The following EML4 variants were observed in gnomAD, a reference collection of about 807,000 sequenced individuals.
EML4 encodes the protein echinoderm microtubule-associated protein-like 4.
In EML4, 72 loss-of-function variants were observed where a neutral mutation model predicts 129.0. That is an observed-to-expected ratio of 0.56 (90% confidence interval 0.46 to 0.68). EML4 has a LOEUF of 0.68. Ranked by LOEUF, EML4 falls within the 30% of genes least tolerant of loss-of-function variation. EML4 has a pLI of 0.00. For missense variants in EML4, 1,363 were observed against 1,190.6 expected, an observed-to-expected ratio of 1.14 and a Z score of -2.13; for synonymous variants, 532 against 405.0, an observed-to-expected ratio of 1.31 and a Z score of -3.77.
At chr2:42,297,591 C>A (rs1477005872) in intron 13 of EML4, among the ~76,000 whole-genome samples, 2 of 152,188 alleles carry the variant, frequency 1.3e-5, no homozygotes, top group Non-Finnish European at 2.9e-5. Context: ...TTTCAATTGG[C>A]TGGGAAGAAT....
At chr2:42,221,829 C>G (rs1488849354) in intron 1 of EML4, among the ~76,000 whole-genome samples, 26 of 151,920 alleles carry the variant, frequency 1.7e-4, no homozygotes, top group Admixed American at 1.6e-3. Flanking sequence ...GTCTCGAACT[C>G]CTGACCTCAG....
chr2:42,250,273 C>A (rs57655871), intron 2 of EML4, among the ~76,000 whole-genome samples: 1 of 152,162 alleles, frequency 6.6e-6, no homozygotes, highest in African/African-American at 2.4e-5. Flanking sequence ...GGGGTCAGTT[C>A]TCCAAAAGAA....
intron 1 of EML4, among the ~76,000 whole-genome samples, chr2:42,210,425 A>G (rs1047882705): frequency 1.3e-5 from 2 of 152,194 alleles, no homozygotes; most frequent in Non-Finnish European, 2.9e-5. Context: ...ACATGACATC[A>G]TTGATGTTGT....
rs562475949 is a variant in EML4, at chr2:42,192,245, G to C, written c.25+22609G>C. Among the ~76,000 whole-genome samples the C allele has an allele frequency of 6.2e-5, 9 of 145,510 alleles. No individual in the cohort carries two copies. In the East Asian group the frequency reaches 8.0e-4, roughly 13 times the overall value. ...TGTTGTTTTTTTGTTTTTTTTTTTGGGGGGGGGAGGTGTAGTCTTGCTCCT... is the reference window on the plus strand; with the variant it reads ...TGTTGTTTTTTTGTTTTTTTTTTTGCGGGGGGGAGGTGTAGTCTTGCTCCT... On this transcript the variant is annotated intron_variant, in intron 1 of 22. Coordinates refer to ENST00000318522, the MANE Select transcript of EML4 (RefSeq NM_019063.5).
chr2:42,237,572 G>A (rs538723230), intron 1 of EML4, among the ~76,000 whole-genome samples: 38 of 152,044 alleles, frequency 2.5e-4, no homozygotes, highest in African/African-American at 8.2e-4. Context: ...TCCCTCTCCC[G>A]CTCAGTCAAA....
intron 1 of EML4, chr2:42,170,175 G>A (rs1670184987): frequency 6.6e-6 from 1 of 152,516 alleles, no homozygotes; most frequent in African/African-American, 2.4e-5. Context: ...ATTTGAAGGC[G>A]ACTTTCCAGT....
At chr2:42,202,842 A>T (rs1474973110) in intron 1 of EML4, among the ~76,000 whole-genome samples, 1 of 152,114 alleles carries the variant, frequency 6.6e-6, no homozygotes, top group African/African-American at 2.4e-5. Context: ...CACCTGGGCA[A>T]CGTAGCAAGA....
intron 1 of EML4, among the ~76,000 whole-genome samples, chr2:42,205,247 C>G (rs912534360): frequency 2.0e-5 from 3 of 152,094 alleles, no homozygotes; most frequent in Non-Finnish European, 2.9e-5. Context: ...TTATGTGCAA[C>G]AAAAAACACT....
At chr2:42,296,141 A>T (rs1157497660) in intron 13 of EML4, among the ~76,000 whole-genome samples, 1 of 152,126 alleles carries the variant, frequency 6.6e-6, no homozygotes. Context: ...ATTTTTCGTT[A>T]CTATTTAAGA....
At chr2:42,193,314 T>C (rs1376824605) in intron 1 of EML4, among the ~76,000 whole-genome samples, 1 of 152,220 alleles carries the variant, frequency 6.6e-6, no homozygotes, top group Admixed American at 6.5e-5. Context: ...TTGCCTGTGA[T>C]GCATTTCTCA....
At chr2:42,194,522 C>CTT (rs879663296) in intron 1 of EML4, among the ~76,000 whole-genome samples, 2 of 141,426 alleles carry the variant, frequency 1.4e-5, no homozygotes, top group South Asian at 2.2e-4. Context: ...TTTTTTATTT[C>CTT]TTTTTTTTTT....
intron 1 of EML4, among the ~76,000 whole-genome samples, chr2:42,227,075 C>G (rs1277366887): frequency 6.6e-6 from 1 of 152,066 alleles, no homozygotes; most frequent in Admixed American, 6.6e-5. Context: ...TTTCCACTTT[C>G]AGTTTTATGT....
rs747353647 is a variant in EML4 at position 42,299,688 on chromosome 2, TTTTG to T, written c.1490-1541_1490-1538del. Among the ~76,000 whole-genome samples, 5 of 152,096 alleles carry T rather than the reference TTTTG, an allele frequency of 3.3e-5. No homozygotes were observed. The South Asian group carries it at 8.3e-4, about 25-fold the overall frequency. On this transcript the variant is annotated intron_variant, in intron 13 of 22. Coordinates refer to ENST00000318522, the MANE Select transcript of EML4 (RefSeq NM_019063.5). ...CTTTCACTTAGTTTTTTTTGTTTTG[TTTTG>T]TTTGTTTGTTTTTTGAGATGGAGTT...
At chr2:42,254,336 A>G (rs1372050416) in intron 2 of EML4, among the ~76,000 whole-genome samples, 4 of 152,032 alleles carry the variant, frequency 2.6e-5, no homozygotes, top group African/African-American at 9.7e-5. Context: ...GTGCACCTGT[A>G]GTCACAGCTG....
intron 6 of EML4, among the ~76,000 whole-genome samples, chr2:42,273,781 T>G (rs967036159): frequency 2.0e-5 from 3 of 152,212 alleles, no homozygotes; most frequent in Non-Finnish European, 2.9e-5. Context: ...GAAAGTTAGA[T>G]TATACCCTTC....
At chr2:42,307,994 T>G (rs1202516900) in intron 17 of EML4, among the ~76,000 whole-genome samples, 1 of 152,192 alleles carries the variant, frequency 6.6e-6, no homozygotes, top group African/African-American at 2.4e-5. Context: ...ATGTCCAAGT[T>G]GTGCATGATC....
chr2:42,315,976 A>T lies in EML4; in HGVS notation c.1982A>T (p.Asp661Val), dbSNP rs1558605904. The change falls in exon 18 of 23, where the codon GAT becomes GTT. Residue 661 changes from aspartate to valine, a missense_variant. Asp to Val is a radical substitution (Grantham distance 152). Transcript: ENST00000318522. Reference sequence around the variant, plus strand: ...CTTCTTAACAGGTGGTTTGTTCTGGATGCAGAAACCAGAGATCTAGTTTCT... The same window carrying T: ...CTTCTTAACAGGTGGTTTGTTCTGGTTGCAGAAACCAGAGATCTAGTTTCT... ...GTHSGRWFVLDAETRDLVSIH... is the reference protein window; with the variant it reads ...GTHSGRWFVLVAETRDLVSIH... 2 of 1,613,256 alleles carry T rather than the reference A, an allele frequency of 1.2e-6. No homozygotes were observed. The highest frequency in any genetic ancestry group is 1.7e-6 in the Non-Finnish European group (2 of 1,179,318).
At chr2:42,210,049 C>T (rs1344175916) in intron 1 of EML4, among the ~76,000 whole-genome samples, 1 of 152,130 alleles carries the variant, frequency 6.6e-6, no homozygotes, top group African/African-American at 2.4e-5. Context: ...ACCCCCCATT[C>T]CCTTATTATT....
At chr2:42,208,992 C>T (rs986970739) in intron 1 of EML4, among the ~76,000 whole-genome samples, 4 of 152,160 alleles carry the variant, frequency 2.6e-5, no homozygotes, top group Non-Finnish European at 5.9e-5. Context: ...GTAGTAATCA[C>T]TTCCTATTTC....
Sources: gnomAD v4.1 joint callset for allele counts (sites outside exome capture counted in the v4.1 genomes callset) on GRCh38, gnomAD v4.1.1 for gene constraint, MANE v1.5 for transcripts, NCBI Gene and HGNC (gene_info 2026-07-23, HGNC 2026-07-21) for gene names.